ARHGEF9: variants seen among roughly 807,000 people sequenced by gnomAD.
ARHGEF9 encodes the protein Cdc42 guanine nucleotide exchange factor 9.
Under a neutral mutation model 41.3 loss-of-function variants are expected in ARHGEF9, and 2 were observed. The observed-to-expected ratio is 0.05, with a 90% CI of 0.02 to 0.15. ARHGEF9 has a LOEUF of 0.15. Among genes scored for constraint, ARHGEF9 ranks in the 10% least tolerant of loss-of-function variants. The pLI is 1.00. For synonymous variants in ARHGEF9, 160 were observed against 154.4 expected (o/e 1.04, Z -0.27); for missense variants, 225 against 424.7 (o/e 0.53, Z 4.13).
At chrX:63,691,830 A>G (rs782327883) in intron 4 of ARHGEF9, among the ~76,000 whole-genome samples, 4 of 111,584 alleles carry the variant, frequency 3.6e-5, no homozygotes, top group Non-Finnish European at 7.5e-5. Flanking sequence ...AGTAACCAAA[A>G]AAGCATGGTA....
intron 1 of ARHGEF9, chrX:63,767,514 A>G (rs1194138057): frequency 1.4e-4 from 32 of 235,371 alleles, no homozygotes; most frequent in African/African-American, 7.2e-4. Context: ...GCTTATAAAC[A>G]ATTCACCCTT....
At chrX:63,655,932 G>A (rs1226878361) in intron 7 of ARHGEF9, among the ~76,000 whole-genome samples, 195 bp from the exon 8 acceptor site, 1 of 111,961 alleles carries the variant, frequency 8.9e-6, no homozygotes, top group Non-Finnish European at 1.9e-5. Flanking sequence ...CAAAGAAAAA[G>A]CCTCTGTCTC....
intron 1 of ARHGEF9, among the ~76,000 whole-genome samples, chrX:63,732,799 T>C (rs1184913562): frequency 8.9e-6 from 1 of 111,928 alleles, no homozygotes; most frequent in Non-Finnish European, 1.9e-5. Context: ...GATGGCCTGC[T>C]ACTGCCTCCA....
At chrX:63,646,024 CTTCTT>C (rs1423646073) in intron 8 of ARHGEF9, among the ~76,000 whole-genome samples, 1 of 110,362 alleles carries the variant, frequency 9.1e-6, no homozygotes, top group Non-Finnish European at 1.9e-5. Flanking sequence ...GCATAAATGT[CTTCTT>C]TTGAGAAGTG....
chrX:63,767,598 A>T (rs2056133297), intron 1 of ARHGEF9, among the ~76,000 whole-genome samples: 1 of 112,457 alleles, frequency 8.9e-6, no homozygotes, highest in African/African-American at 3.2e-5. Flanking sequence ...TAGTTAAAAA[A>T]AGAAGAATTG....
chrX:63,748,639 C>T (rs1430320741), intron 1 of ARHGEF9, among the ~76,000 whole-genome samples: 8 of 111,726 alleles, frequency 7.2e-5, no homozygotes, highest in African/African-American at 2.3e-4. Context: ...CCTGGCTGCA[C>T]ATTTGAATCA....
At chrX:63,723,751 T>C (rs1243795447) in intron 2 of ARHGEF9, among the ~76,000 whole-genome samples, 1 of 111,922 alleles carries the variant, frequency 8.9e-6, no homozygotes, top group Non-Finnish European at 1.9e-5. Context: ...CATAGCACCC[T>C]GAGGTCATAA....
At chrX:63,645,233 C>CT (rs1363172298) in intron 8 of ARHGEF9, among the ~76,000 whole-genome samples, 1 of 109,893 alleles carries the variant, frequency 9.1e-6, no homozygotes, top group African/African-American at 3.3e-5. Context: ...TTTTTTTTCA[C>CT]TTTTTTTAAT....
At chrX:63,679,172 T>C (rs1160639005) in intron 4 of ARHGEF9, among the ~76,000 whole-genome samples, 3 of 110,953 alleles carry the variant, frequency 2.7e-5, no homozygotes, top group Admixed American at 1.9e-4. Context: ...TGTATGGACA[T>C]ATAAATATGT....
At chrX:63,771,710 G>T (rs1178622573) in intron 1 of ARHGEF9, among the ~76,000 whole-genome samples, 4 of 110,535 alleles carry the variant, frequency 3.6e-5, no homozygotes, top group Non-Finnish European at 7.6e-5. Flanking sequence ...GGAATTACAG[G>T]CATGAGCCAC....
intron 8 of ARHGEF9, among the ~76,000 whole-genome samples, chrX:63,647,187 T>C (rs1218948768): frequency 2.7e-5 from 3 of 111,545 alleles, no homozygotes; most frequent in African/African-American, 9.8e-5. Context: ...CAGGGACAAT[T>C]TGACTTCCTC....
chrX:63,768,693 G>T (rs1271186402), intron 1 of ARHGEF9, among the ~76,000 whole-genome samples: 1 of 111,855 alleles, frequency 8.9e-6, no homozygotes, highest in African/African-American at 3.3e-5. Context: ...TCATGGGGCA[G>T]TCTCCCCCAT....
At chrX:63,720,180 G>A (rs1369030627) in intron 2 of ARHGEF9, among the ~76,000 whole-genome samples, 5 of 111,665 alleles carry the variant, frequency 4.5e-5, no homozygotes, top group African/African-American at 1.6e-4. Flanking sequence ...TCTCAAGTGG[G>A]TACTCCAGCT....
At chrX:63,772,865 C>T (rs2056227195) in intron 1 of ARHGEF9, among the ~76,000 whole-genome samples, 1 of 111,441 alleles carries the variant, frequency 9.0e-6, no homozygotes, top group African/African-American at 3.3e-5. Context: ...CAACCTGAAG[C>T]CCTTTGCATA....
intron 1 of ARHGEF9, among the ~76,000 whole-genome samples, chrX:63,769,496 A>G (rs1464943100): frequency 2.9e-4 from 33 of 112,435 alleles, no homozygotes; most frequent in African/African-American, 1.1e-3. Flanking sequence ...AAATTTGCGT[A>G]AGTAACAAGA....
intron 1 of ARHGEF9, among the ~76,000 whole-genome samples, chrX:63,735,778 A>G (rs1206635107): frequency 8.9e-6 from 1 of 112,123 alleles, no homozygotes; most frequent in African/African-American, 3.2e-5. Flanking sequence ...AGACCTTGGC[A>G]TACGTTTCCA....
Position 63,635,872 on chromosome X carries a change from C to A in ARHGEF9, c.*2156G>T. ...ACTGAAGGGAGGCCTGCATAGCTAC[C>A]AAAACACTCTGCCAGACAGGATATT... On this transcript the variant is annotated 3_prime_UTR_variant, in exon 10 of 10. Coordinates refer to ENST00000671741, the MANE Select transcript of ARHGEF9 (RefSeq NM_001353921.2). 1 of 141,992 alleles carries A rather than the reference C, an allele frequency of 7.0e-6. No homozygotes were observed. 11.7% of individuals were successfully genotyped at this position (141,992 alleles called of 1,213,427 possible). A position where few individuals can be genotyped will look rare whatever the true frequency, so the allele number is the denominator to read the frequency against.
At chrX:63,779,940 T>C (rs782284007) in intron 1 of ARHGEF9, among the ~76,000 whole-genome samples, 2 of 112,184 alleles carry the variant, frequency 1.8e-5, no homozygotes, top group Admixed American at 9.4e-5. Context: ...CTGCATTTCC[T>C]AGCTTCCCTT....
At chrX:63,755,249 C>T (rs186479381) in intron 1 of ARHGEF9, 9 of 934,866 alleles carry the variant, frequency 9.6e-6, no homozygotes, top group East Asian at 8.3e-5. Context: ...CGTTCGCTGC[C>T]CAGGGGCGGG....
Sources: allele counts gnomAD v4.1 joint callset (sites outside exome capture counted in the v4.1 genomes callset), GRCh38; gene constraint gnomAD v4.1.1; transcripts MANE v1.5; gene names NCBI Gene and HGNC (gene_info 2026-07-23, HGNC 2026-07-21).